SLC45A4: variants seen among roughly 807,000 people sequenced by gnomAD.
The protein encoded by SLC45A4 is solute carrier family 45 member 4, also known as polyamine-transporter SLC45A4.
A neutral mutation model predicts 63.7 loss-of-function variants in SLC45A4; 32 were observed. That is an observed-to-expected ratio of 0.50 (90% confidence interval 0.38 to 0.67). The LOEUF is 0.67. Among genes scored for constraint, SLC45A4 ranks in the 30% least tolerant of loss-of-function variants. SLC45A4 has a pLI of 0.00. For missense variants in SLC45A4, 1,027 were observed against 1,157.7 expected, an observed-to-expected ratio of 0.89 and a Z score of 1.64; for synonymous variants, 535 against 510.0, an observed-to-expected ratio of 1.05 and a Z score of -0.66.
At chr8:141,245,801 C>T (rs1296417215) in intron 2 of SLC45A4, among the ~76,000 whole-genome samples, 1 of 152,186 alleles carries the variant, frequency 6.6e-6, no homozygotes, top group Non-Finnish European at 1.5e-5. Flanking sequence ...GCAGTGTCAC[C>T]ACTAACTTCT....
chr8:141,292,860 C>T (rs554055254), intron 1 of SLC45A4: 2 of 152,410 alleles, frequency 1.3e-5, no homozygotes, highest in South Asian at 4.1e-4. Flanking sequence ...AGTTCTCCAT[C>T]AGCTTGTTAA....
chr8:141,238,426 G>A (rs1444896019), intron 2 of SLC45A4, among the ~76,000 whole-genome samples: 5 of 152,204 alleles, frequency 3.3e-5, no homozygotes, highest in African/African-American at 7.2e-5. Flanking sequence ...CCAGAGCGAC[G>A]CCATCTTCCC....
intron 1 of SLC45A4, among the ~76,000 whole-genome samples, chr8:141,272,553 A>T (rs757049200): frequency 2.6e-5 from 4 of 152,202 alleles, no homozygotes; most frequent in Admixed American, 6.5e-5. Flanking sequence ...CAGACCAGCC[A>T]TTCCTCACCT....
Position 141,302,478 on chromosome 8 carries a change from C to T in SLC45A4, c.-401+5618G>A, listed in dbSNP as rs563013411. ...CCTCCTAAGTAGCTGGGATTATAGG[C>T]GTGCACCACCACACTTGGCTAATTT... On this transcript the variant is annotated intron_variant, in intron 1 of 8. Coordinates refer to ENST00000517878, the MANE Select transcript of SLC45A4 (RefSeq NM_001286646.2). Among the ~76,000 whole-genome samples, 561 of 145,840 alleles carry T rather than the reference C, an allele frequency of 3.8e-3. 3 individuals are homozygous for T. The highest frequency in any genetic ancestry group is 0.014 in the African/African-American group (543 of 39,816).
chr8:141,254,100 T>C lies in SLC45A4; in HGVS notation c.130A>G (p.Ile44Val). Reference sequence around the variant, plus strand: ...CACAGGCGCATGGGGATTCGGTCTATGGACCCCTCGCTGATGGTCTCGCAG... The same window carrying C: ...CACAGGCGCATGGGGATTCGGTCTACGGACCCCTCGCTGATGGTCTCGCAG... ...ENCETISEGS[I>V]DRIPMRLWVM... The change falls in exon 2 of 9, where the codon ATA (isoleucine) becomes GTA (valine). Residue 44 changes from isoleucine to valine, a missense_variant. Ile to Val is a conservative substitution (Grantham distance 29). Coordinates refer to ENST00000517878, the MANE Select transcript of SLC45A4 (RefSeq NM_001286646.2). This position sits in a 1 kb window ranked among gnomAD's most constrained non-coding sequence, Gnocchi z 4.5. 6 of 1,536,194 alleles carry C rather than the reference T, an allele frequency of 3.9e-6. No individual in the cohort carries two copies. Among genetic ancestry groups the C allele is most frequent in the South Asian group, 2.4e-5 (2 of 84,070 alleles).
At position 141,218,047 on chromosome 8, in the gene SLC45A4, G is replaced by C. The variant is rs1008027621; in HGVS notation, c.1593C>G (p.Asp531Glu). The C allele has an allele frequency of 1.2e-6, 2 of 1,611,690 alleles. No individual in the cohort carries two copies. The highest frequency in any genetic ancestry group is 1.7e-6 in the Non-Finnish European group (2 of 1,179,490). ...CTTCGAAGATGACCTGGCCCATGAA[G>C]TCGGTGTAGAACACGGCCTCGGCGA... The part of the protein sequence containing the change: ...SVIAEAVFYT[D>E]FMGQVIFEGD... Residue 531 changes from aspartate to glutamate, a missense_variant, in exon 5 of 9, where the codon GAC becomes GAG. Transcript: ENST00000517878.
chr8:141,243,935 G>C (rs1396182279), intron 2 of SLC45A4, among the ~76,000 whole-genome samples: 1 of 152,136 alleles, frequency 6.6e-6, no homozygotes, highest in Non-Finnish European at 1.5e-5. Context: ...TCAACTGACT[G>C]CTTATATTAT....
intron 1 of SLC45A4, among the ~76,000 whole-genome samples, chr8:141,257,256 G>A (rs548404987): frequency 1.3e-5 from 2 of 152,254 alleles, no homozygotes; most frequent in East Asian, 1.9e-4. Flanking sequence ...CCACCTTTTC[G>A]GAATCATTCC....
intron 1 of SLC45A4, among the ~76,000 whole-genome samples, chr8:141,290,884 T>C (rs1472510573): frequency 6.6e-6 from 1 of 152,252 alleles, no homozygotes; most frequent in Admixed American, 6.5e-5. Context: ...GGTCTCACTC[T>C]GTCACCCGGG....
Position 141,254,050 on chromosome 8 carries a change from A to G in SLC45A4, c.180T>C (p.Phe60=). The G allele has an allele frequency of 6.5e-7, 1 of 1,536,152 alleles. No homozygotes were observed. The highest frequency in any genetic ancestry group is 2.0e-5 in the Admixed American group (1 of 51,000). The change falls in exon 2 of 9, where the codon TTT becomes TTC. Residue 60 remains phenylalanine, a synonymous_variant. Transcript: ENST00000517878. This position sits in a 1 kb window ranked among gnomAD's most constrained non-coding sequence, Gnocchi z 4.5. ...RLWVMHGAVM[F]GREFCYAMET... is the part of the protein sequence containing the mutation. ...CCATGGCGTAACAGAACTCCCTGCC[A>G]AACATCACCGCCCCGTGCATCACCC...
At chr8:141,294,579 C>A (rs1481220898) in intron 1 of SLC45A4, among the ~76,000 whole-genome samples, 1 of 152,236 alleles carries the variant, frequency 6.6e-6, no homozygotes, top group African/African-American at 2.4e-5. Flanking sequence ...ACAGCCAGTT[C>A]CCTGTGAGCA....
chr8:141,301,762 A>AAAAAAAAAAAT (rs71322124), intron 1 of SLC45A4, among the ~76,000 whole-genome samples: 2 of 126,624 alleles, frequency 1.6e-5, no homozygotes, highest in Non-Finnish European at 3.3e-5. Flanking sequence ...AAAAAAAAAA[A>AAAAAAAAAAAT]TCCTGGGCAA....
chr8:141,285,036 A>G (rs1830086937), intron 1 of SLC45A4, among the ~76,000 whole-genome samples: 1 of 152,232 alleles, frequency 6.6e-6, no homozygotes. Flanking sequence ...TGAGCAGAAC[A>G]GGGTCCGGAG....
rs950103716 is a variant in SLC45A4 at position 141,216,024 on chromosome 8, G to A, written c.1730-54C>T. On this transcript the variant is annotated intron_variant, in intron 6 of 8. Transcript: ENST00000517878. Reference sequence around the variant, plus strand: ...AGTGGGCAGGCGGCTGGCTCCTGTCGGGCTCCCTCCACCATCCCTCCCCTC... The same window carrying A: ...AGTGGGCAGGCGGCTGGCTCCTGTCAGGCTCCCTCCACCATCCCTCCCCTC... 8.5e-5 allele frequency: 128 copies of A among 1,512,146 alleles called. 1 individual carries two copies. In the African/African-American group the frequency reaches 1.1e-3, roughly 13 times the overall value. The allele number at this position is 1,512,146 out of a possible 1,614,324, so 93.7% of individuals were successfully genotyped here. A position where few individuals can be genotyped will look rare whatever the true frequency, so the allele number is the denominator to read the frequency against.
chr8:141,284,958 C>T (rs2154615164), intron 1 of SLC45A4, among the ~76,000 whole-genome samples: 1 of 151,958 alleles, frequency 6.6e-6, no homozygotes, highest in East Asian at 1.9e-4. Flanking sequence ...CGCCCCACAC[C>T]CCGACTCCCT....
In SLC45A4 at chr8:141,209,716, T is replaced by G. The variant is rs551753332; in HGVS notation, c.*1856A>C. 1 of 152,314 alleles carries G rather than the reference T, an allele frequency of 6.6e-6. No individual in the cohort carries two copies. The highest frequency in any genetic ancestry group is 1.5e-5 in the Non-Finnish European group (1 of 68,092). 9.4% of individuals were successfully genotyped at this position (152,314 alleles called of 1,614,324 possible). On this transcript the variant is annotated 3_prime_UTR_variant, in exon 9 of 9. Transcript: ENST00000517878. Reference sequence around the variant, plus strand: ...CTGGCACTGGCTTCCGGCACGTTCATACCCTGACAGTGACTGTGGCAAGGC... The same window carrying G: ...CTGGCACTGGCTTCCGGCACGTTCAGACCCTGACAGTGACTGTGGCAAGGC...
intron 2 of SLC45A4, among the ~76,000 whole-genome samples, chr8:141,237,396 C>T (rs1272013051): frequency 1.3e-5 from 2 of 152,090 alleles, no homozygotes; most frequent in African/African-American, 4.8e-5. Context: ...AGATTGTGCC[C>T]AGGGCCACCC....
Position 141,254,069 on chromosome 8 carries a change from A to C in SLC45A4, c.161T>G (p.Met54Arg), listed in dbSNP as rs764622897. ...IDRIPMRLWVMHGAVMFGREF... is the reference protein window; with the variant it reads ...IDRIPMRLWVRHGAVMFGREF... The stretch of plus-strand genomic sequence containing the variant: ...CCTGCCAAACATCACCGCCCCGTGC[A>C]TCACCCACAGGCGCATGGGGATTCG... Residue 54 changes from methionine (M) to arginine (R), a missense_variant, in exon 2 of 9, where the codon ATG becomes AGG. By Grantham distance (91) the Met-to-Arg change is moderately conservative. Transcript: ENST00000517878. This position sits in a 1 kb window ranked among gnomAD's most constrained non-coding sequence, Gnocchi z 4.5. 5 of 1,536,184 alleles carry C rather than the reference A, an allele frequency of 3.3e-6. No homozygotes were observed. The Admixed American group carries it at 9.8e-5, about 30-fold the overall frequency.
At chr8:141,250,782 G>T (rs533870747) in intron 2 of SLC45A4, among the ~76,000 whole-genome samples, 2 of 152,180 alleles carry the variant, frequency 1.3e-5, no homozygotes, top group African/African-American at 4.8e-5. Flanking sequence ...TATTTTCAAC[G>T]ATGGGTTTAC....
Sources: gnomAD v4.1 joint callset for allele counts (sites outside exome capture counted in the v4.1 genomes callset) on GRCh38, gnomAD v4.1.1 for gene constraint, Gnocchi (gnomAD v3.1) non-coding constraint, MANE v1.5 for transcripts, NCBI Gene and HGNC (gene_info 2026-07-23, HGNC 2026-07-21) for gene names.